CD33: variants seen among roughly 807,000 people sequenced by gnomAD.
CD33 encodes the protein myeloid cell surface antigen CD33.
CD33 carries 25 observed loss-of-function variants against 31.4 expected under a neutral mutation model. The observed-to-expected ratio is 0.80, with a 90% confidence interval of 0.58 to 1.11. CD33 has a LOEUF of 1.11. Among genes scored for constraint, CD33 ranks in the 50% most tolerant of loss-of-function variants. The pLI is 0.00. For synonymous variants in CD33, 176 were observed against 180.6 expected (o/e 0.97, Z 0.20); for missense variants, 407 against 448.1 (o/e 0.91, Z 0.83).
At chr19:51,226,138 C>G in intron 3 of CD33, 57 bp downstream of exon 3, 1 of 1,587,946 alleles carries the variant, frequency 6.3e-7, no homozygotes, top group Middle Eastern at 1.7e-4. Flanking sequence ...ACAGGATGGG[C>G]TGGTGCTGGG....
At position 51,226,298 on chromosome 19, in the gene CD33, T is replaced by C. The variant is rs1599867224; in HGVS notation, c.698-11T>C. 3 of 1,613,234 alleles carry C rather than the reference T, an allele frequency of 1.9e-6. No homozygotes were observed. Among genetic ancestry groups the C allele is most frequent in the Non-Finnish European group, 2.5e-6 (3 of 1,179,274 alleles). On this transcript the variant is annotated splice_polypyrimidine_tract_variant and intron_variant, in intron 3 of 6. Coordinates refer to ENST00000262262, the MANE Select transcript of CD33 (RefSeq NM_001772.4). ...CCCCCAACTGAAGGAAATCCTCTCT[T>C]CCTCTCCTAGATGTTCCACAGAACC...
intron 4 of CD33, among the ~76,000 whole-genome samples, chr19:51,231,602 TG>T (rs35408798): frequency 0.13 from 9,807 of 77,364 alleles, 809 homozygotes; most frequent in African/African-American, 0.3. Flanking sequence ...GGTTGGCTGA[TG>T]TTTTTTTTTT....
the CD33 span, chr19:51,211,628 A>C: frequency 8.6e-5 from 119 of 1,379,894 alleles, no homozygotes; most frequent in Non-Finnish European, 1.1e-4. Flanking sequence ...AGGGAAGGTC[A>C]AAGGGACCTC....
chr19:51,217,162 T>C, the CD33 span, among the ~76,000 whole-genome samples: 6 of 152,084 alleles, frequency 3.9e-5, no homozygotes, highest in Non-Finnish European at 4.4e-5. Flanking sequence ...TCAAGGCACC[T>C]ACAGACAGAC....
In CD33 at chr19:51,225,930, T is replaced by C; in HGVS notation, c.546T>C (p.Ala182=). The change falls in exon 3 of 7, where the codon GCT becomes GCC. Residue 182 remains alanine, a synonymous_variant. Coordinates refer to ENST00000262262, the MANE Select transcript of CD33 (RefSeq NM_001772.4). ...CCCCGATCTTCTCCTGGTTGTCAGC[T>C]GCCCCCACCTCCCTGGGCCCCAGGA... The part of the protein sequence containing the change: ...GTPPIFSWLS[A]APTSLGPRTT... 1 of 1,614,058 alleles carries C rather than the reference T, an allele frequency of 6.2e-7. No individual in the cohort carries two copies. The highest frequency in any genetic ancestry group is 8.5e-7 in the Non-Finnish European group (1 of 1,179,998).
At chr19:51,213,578 C>G in the CD33 span, among the ~76,000 whole-genome samples, 5 of 152,180 alleles carry the variant, frequency 3.3e-5, no homozygotes, top group African/African-American at 1.2e-4. Context: ...GCTCTGTCGT[C>G]CAGGCTGGAG....
chr19:51,223,099 G>C (rs1399837), upstream of CD33, among the ~76,000 whole-genome samples: 63,458 of 151,636 alleles, frequency 0.42, 13,951 homozygotes, highest in African/African-American at 0.51. Flanking sequence ...ATGAGCCTGT[G>C]ATCCCAGCTA....
At chr19:51,228,136 C>G (rs140791292) in intron 4 of CD33, among the ~76,000 whole-genome samples, 1 of 152,082 alleles carries the variant, frequency 6.6e-6, no homozygotes, top group Non-Finnish European at 1.5e-5. Flanking sequence ...GTTTTGAAAT[C>G]TTTAAATTTT....
At chr19:51,233,326 TG>T (rs1981552436) in intron 4 of CD33, among the ~76,000 whole-genome samples, 1 of 152,204 alleles carries the variant, frequency 6.6e-6, no homozygotes. Context: ...TCGCCCTGAG[TG>T]GGACTATAAG....
At chr19:51,238,091 T>C (rs956296676) in intron 6 of CD33, 1 of 152,226 alleles carries the variant, frequency 6.6e-6, no homozygotes, top group African/African-American at 2.4e-5. Context: ...ATCATAGATG[T>C]CATGGATGTC....
At chr19:51,226,393 CATTGAG>C in intron 4 of CD33, 37 bp downstream of exon 4, 1 of 1,583,282 alleles carries the variant, frequency 6.3e-7, no homozygotes, top group Non-Finnish European at 8.7e-7. Flanking sequence ...CTGTTACTGA[CATTGAG>C]TCTGTGTCAG....
chr19:51,213,555 A>T, the CD33 span, among the ~76,000 whole-genome samples: 7 of 151,116 alleles, frequency 4.6e-5, no homozygotes, highest in Admixed American at 6.6e-5. Context: ...TTGTTTTTTG[A>T]GATTGAAGTC....
chr19:51,237,279 T>C (rs1039607657), intron 6 of CD33: 1 of 152,248 alleles, frequency 6.6e-6, no homozygotes, highest in Non-Finnish European at 1.5e-5. Context: ...TGCCAATTGC[T>C]CTAGGTCCTT....
At position 51,239,675 on chromosome 19, in the gene CD33, T is replaced by G. The variant is rs765967516; in HGVS notation, c.1082T>G (p.Val361Gly). ...SKDTSTEYSE[V>G]RTQ ...GACACCTCCACCGAATACTCAGAGG[T>G]CAGGACCCAGTGAGGAACCCACAAG... The change falls in exon 7 of 7, where the codon GTC becomes GGC. Residue 361 changes from valine to glycine, a missense_variant. Physicochemically the swap from Val to Gly is moderately radical, Grantham distance 109 (BLOSUM62 -3). Transcript: ENST00000262262. 16 of 1,610,156 alleles carry G rather than the reference T, an allele frequency of 9.9e-6. 1 individual carries two copies. The South Asian group carries it at 1.5e-4, about 16-fold the overall frequency.
At chr19:51,226,806 A>G (rs1981071405) in intron 4 of CD33, among the ~76,000 whole-genome samples, 1 of 151,852 alleles carries the variant, frequency 6.6e-6, no homozygotes. Context: ...ATAGAACACC[A>G]GAACTTATTC....
At chr19:51,228,112 A>G (rs548822164) in intron 4 of CD33, among the ~76,000 whole-genome samples, 2 of 152,310 alleles carry the variant, frequency 1.3e-5, no homozygotes, top group South Asian at 2.1e-4. Flanking sequence ...TGTTTTGGTT[A>G]CTACAGCTTT....
chr19:51,226,207 TC>T, intron 3 of CD33, 101 bp from the exon 4 acceptor site: 2 of 1,497,144 alleles, frequency 1.3e-6, no homozygotes, highest in African/African-American at 1.4e-5. Context: ...ATGAGCCCTG[TC>T]CCTTCTGCAT....
At chr19:51,223,173 T>A (rs1304598603), upstream of CD33, among the ~76,000 whole-genome samples, 1 of 152,022 alleles carries the variant, frequency 6.6e-6, no homozygotes, top group Non-Finnish European at 1.5e-5. Context: ...TGAACTGTGG[T>A]CAGGCCGGTG....
At chr19:51,229,887 T>C (rs1050885153) in intron 4 of CD33, among the ~76,000 whole-genome samples, 5 of 152,146 alleles carry the variant, frequency 3.3e-5, no homozygotes, top group Admixed American at 6.5e-5. Context: ...CTGATCTTTA[T>C]GATTTCTTTC....
Sources: allele counts gnomAD v4.1 joint callset (sites outside exome capture counted in the v4.1 genomes callset), GRCh38; gene constraint gnomAD v4.1.1; transcripts MANE v1.5; gene names NCBI Gene and HGNC (gene_info 2026-07-23, HGNC 2026-07-21).